The following RAD51B variants were observed in gnomAD, a reference collection of about 807,000 sequenced individuals.
RAD51B encodes DNA repair protein RAD51 homolog 2.
A neutral mutation model predicts 42.2 loss-of-function variants in RAD51B; 38 were observed. The observed-to-expected ratio is 0.90, with a 90% CI of 0.70 to 1.18. The LOEUF is 1.18. Among genes scored for constraint, RAD51B ranks in the 50% most tolerant of loss-of-function variants. The pLI is 0.00. For missense variants in RAD51B, 373 were observed against 400.7 expected (o/e 0.93, Z 0.59); for synonymous variants, 154 against 145.2 (o/e 1.06, Z -0.43).
chr14:68,400,221 G>A (rs575397047), intron 8 of RAD51B, among the ~76,000 whole-genome samples: 9 of 152,272 alleles, frequency 5.9e-5, no homozygotes, highest in African/African-American at 2.2e-4. Context: ...GTGGCCACCT[G>A]GCTTTCTCCT....
intron 7 of RAD51B, among the ~76,000 whole-genome samples, chr14:68,130,939 C>A (rs2077878464): frequency 6.6e-6 from 1 of 151,936 alleles, no homozygotes; most frequent in South Asian, 2.1e-4. Flanking sequence ...GTTTTTTCAT[C>A]CCTTAGGAAA....
chr14:68,485,786 G>T (rs775663902), intron 10 of RAD51B, among the ~76,000 whole-genome samples: 3 of 152,176 alleles, frequency 2.0e-5, no homozygotes, highest in African/African-American at 4.8e-5. Flanking sequence ...TGAAGGACTC[G>T]GTTTGGATCA....
chr14:68,122,728 CATAAGT>C (rs1329584049), intron 7 of RAD51B, among the ~76,000 whole-genome samples: 2 of 152,262 alleles, frequency 1.3e-5, no homozygotes, highest in African/African-American at 4.8e-5. Context: ...AAATGACTGA[CATAAGT>C]ATAGTTATTG....
chr14:68,206,655 G>C (rs569088389), intron 7 of RAD51B, among the ~76,000 whole-genome samples: 5 of 151,014 alleles, frequency 3.3e-5, no homozygotes, highest in African/African-American at 1.2e-4. Context: ...AGTATGTTCT[G>C]GTATCATATC....
intron 10 of RAD51B, among the ~76,000 whole-genome samples, chr14:68,556,831 G>A (rs1888871913): frequency 6.6e-6 from 1 of 152,120 alleles, no homozygotes; most frequent in African/African-American, 2.4e-5. Flanking sequence ...CTAGAGGATG[G>A]CGCCTGCATA....
intron 10 of RAD51B, chr14:68,561,990 G>T: frequency 1.0e-6 from 1 of 985,414 alleles, no homozygotes; most frequent in Non-Finnish European, 1.2e-6. Flanking sequence ...TATTGTCTTT[G>T]TCCTCAGAGC....
At chr14:67,823,482 C>G (rs2040704007) in intron 1 of RAD51B, 60 bp from the exon 2 acceptor site, 12 of 1,439,480 alleles carry the variant, frequency 8.3e-6, no homozygotes, top group Non-Finnish European at 1.2e-5. Flanking sequence ...TATTCACTAT[C>G]ACTTATGTTA....
chr14:68,111,286 C>T (rs986789669), intron 7 of RAD51B, among the ~76,000 whole-genome samples: 2 of 151,938 alleles, frequency 1.3e-5, no homozygotes, highest in East Asian at 1.9e-4. Context: ...CAACTTGAAA[C>T]GGTTTGCACA....
intron 11 of RAD51B, among the ~76,000 whole-genome samples, chr14:68,658,298 C>T (rs531780491): frequency 7.8e-4 from 119 of 152,330 alleles, no homozygotes; most frequent in Non-Finnish European, 1.5e-3. Context: ...GGGGGCTGCC[C>T]GGACCGAGAA....
At chr14:68,384,336 C>T (rs759667645) in intron 8 of RAD51B, among the ~76,000 whole-genome samples, 1 of 151,944 alleles carries the variant, frequency 6.6e-6, no homozygotes, top group Non-Finnish European at 1.5e-5. Context: ...AAAAATGAAC[C>T]AACACTCAAA....
intron 11 of RAD51B, among the ~76,000 whole-genome samples, chr14:68,678,169 C>T (rs562132056): frequency 1.3e-4 from 20 of 152,316 alleles, no homozygotes; most frequent in African/African-American, 4.8e-4. Context: ...TGAACCACCA[C>T]GTTCTTAACC....
At chr14:68,140,011 GCCTCC>G (rs1280701100) in intron 7 of RAD51B, among the ~76,000 whole-genome samples, 1 of 152,188 alleles carries the variant, frequency 6.6e-6, no homozygotes, top group East Asian at 1.9e-4. Flanking sequence ...AGCAGCAGGT[GCCTCC>G]CTGAGAAACC....
intron 9 of RAD51B, among the ~76,000 whole-genome samples, chr14:68,427,383 G>A (rs1264327165): frequency 6.6e-6 from 1 of 152,236 alleles, no homozygotes; most frequent in Non-Finnish European, 1.5e-5. Flanking sequence ...CTGTGAGGGT[G>A]AGACTAGCAA....
intron 11 of RAD51B, among the ~76,000 whole-genome samples, chr14:68,679,028 A>G (rs1893371360): frequency 6.6e-6 from 1 of 151,564 alleles, no homozygotes; most frequent in South Asian, 2.1e-4. Context: ...GGTCTGGCCT[A>G]AGGCCATGCA....
At chr14:68,375,793 G>A (rs2083356748) in intron 8 of RAD51B, among the ~76,000 whole-genome samples, 1 of 151,934 alleles carries the variant, frequency 6.6e-6, no homozygotes, top group Non-Finnish European at 1.5e-5. Flanking sequence ...TATTGGCTTG[G>A]GGAGCCTTAT....
intron 7 of RAD51B, among the ~76,000 whole-genome samples, chr14:68,010,301 G>T (rs569050736): frequency 2.6e-5 from 4 of 151,738 alleles, no homozygotes; most frequent in Non-Finnish European, 5.9e-5. Context: ...GATTTTTAAA[G>T]TACAGAGAAA....
chr14:68,532,841 T>C (rs1887395868), intron 10 of RAD51B, among the ~76,000 whole-genome samples: 2 of 152,210 alleles, frequency 1.3e-5, no homozygotes, highest in South Asian at 4.1e-4. Flanking sequence ...TGACATGTCT[T>C]AATATAGATG....
intron 7 of RAD51B, among the ~76,000 whole-genome samples, chr14:67,957,431 C>T (rs190761987): frequency 5.3e-5 from 8 of 152,294 alleles, no homozygotes; most frequent in Non-Finnish European, 1.5e-5. Context: ...CAAAGATCCC[C>T]ATGCACCTTC....
At chr14:68,663,098 T>G (rs1892966241) in intron 11 of RAD51B, among the ~76,000 whole-genome samples, 4 of 152,134 alleles carry the variant, frequency 2.6e-5, no homozygotes, top group Non-Finnish European at 5.9e-5. Context: ...GTCCGGAGTT[T>G]GAGACCAGCC....
Sources: allele counts gnomAD v4.1 joint callset (sites outside exome capture counted in the v4.1 genomes callset), GRCh38; gene constraint gnomAD v4.1.1; transcripts MANE v1.5; gene names NCBI Gene and HGNC (gene_info 2026-07-23, HGNC 2026-07-21).